The following PRRT1B variants were observed in gnomAD, a reference collection of about 807,000 sequenced individuals.
PRRT1B encodes the protein proline rich transmembrane protein 1B.
intron 2 of PRRT1B, among the ~76,000 whole-genome samples, chr9:131,555,740 GA>G (rs2132012328): frequency 6.6e-6 from 1 of 152,214 alleles, no homozygotes; most frequent in African/African-American, 2.4e-5. Context: ...GCCTGTGGGG[GA>G]AAGATTGGAG....
chr9:131,553,307 A>T (rs1951024349), intron 1 of PRRT1B, among the ~76,000 whole-genome samples: 1 of 152,232 alleles, frequency 6.6e-6, no homozygotes, highest in Non-Finnish European at 1.5e-5. Flanking sequence ...AGCCCCTGTT[A>T]ACCTGGAGAG....
chr9:131,554,122 A>G (rs1248273564), intron 1 of PRRT1B, among the ~76,000 whole-genome samples: 1 of 152,194 alleles, frequency 6.6e-6, no homozygotes, highest in African/African-American at 2.4e-5. Flanking sequence ...TACAACTCCA[A>G]GCCAAGAATC....
chr9:131,556,814 G>T (rs1346245429), intron 3 of PRRT1B, among the ~76,000 whole-genome samples: 1 of 152,016 alleles, frequency 6.6e-6, no homozygotes, highest in Non-Finnish European at 1.5e-5. Flanking sequence ...TGTATTTTTA[G>T]TAGAGATGAG....
chr9:131,549,436 G>A (rs1428129231), intron 1 of PRRT1B, among the ~76,000 whole-genome samples: 6 of 152,112 alleles, frequency 3.9e-5, no homozygotes, highest in Admixed American at 6.5e-5. Flanking sequence ...CCATCTGTGC[G>A]GGACCCCACT....
intron 1 of PRRT1B, among the ~76,000 whole-genome samples, chr9:131,550,353 CAT>C (rs1409053323): frequency 2.6e-5 from 4 of 152,166 alleles, no homozygotes; most frequent in Non-Finnish European, 1.5e-5. Context: ...TTGCACCCTT[CAT>C]CCCAGCCTCT....
chr9:131,554,355 CCA>C (rs1453431217), intron 1 of PRRT1B, among the ~76,000 whole-genome samples, 200 bp from the exon 2 acceptor site: 1 of 152,204 alleles, frequency 6.6e-6, no homozygotes, highest in African/African-American at 2.4e-5. Context: ...GCCTGGGTTC[CCA>C]CCCAGATGAG....
At chr9:131,549,329 C>T (rs577531476) in intron 1 of PRRT1B, among the ~76,000 whole-genome samples, 1 of 152,368 alleles carries the variant, frequency 6.6e-6, no homozygotes, top group East Asian at 1.9e-4. Flanking sequence ...AGGCATTCCT[C>T]CAGAACCTCT....
downstream of PRRT1B, among the ~76,000 whole-genome samples, chr9:131,559,442 AAAAC>A (rs1405187016): frequency 3.3e-5 from 5 of 152,202 alleles, no homozygotes; most frequent in Non-Finnish European, 5.9e-5. Flanking sequence ...CTCTGCCTCA[AAAAC>A]AAACAACCAT....
chr9:131,548,182 C>A (rs1950987893), intron 1 of PRRT1B, among the ~76,000 whole-genome samples: 1 of 152,080 alleles, frequency 6.6e-6, no homozygotes, highest in Admixed American at 6.6e-5. Context: ...ACCCTCTCTT[C>A]TCTCCACTTT....
intron 1 of PRRT1B, among the ~76,000 whole-genome samples, chr9:131,554,108 C>A (rs1166530110): frequency 1.3e-5 from 2 of 152,238 alleles, no homozygotes; most frequent in Non-Finnish European, 2.9e-5. Context: ...CCTCACCCCT[C>A]CCCTACAACT....
exon 2 of PRRT1B, chr9:131,554,815 C>T (rs1951036913): frequency 2.8e-6 from 1 of 360,704 alleles, no homozygotes; most frequent in Non-Finnish European, 5.0e-6. Flanking sequence ...GCCGGCGGCG[C>T]CCCCCACATC....
intron 3 of PRRT1B, among the ~76,000 whole-genome samples, chr9:131,556,858 C>T (rs1427135680): frequency 6.6e-6 from 1 of 152,034 alleles, no homozygotes; most frequent in East Asian, 1.9e-4. Context: ...GTCTTGAACT[C>T]CTGACCTCAG....
chr9:131,552,947 A>G (rs936338539), intron 1 of PRRT1B, among the ~76,000 whole-genome samples: 1 of 151,264 alleles, frequency 6.6e-6, no homozygotes, highest in Non-Finnish European at 1.5e-5. Flanking sequence ...CGGCCTCCCA[A>G]AGTGCTGGGA....
At chr9:131,554,573 G>C (rs974684839) in exon 2 of PRRT1B, 3 of 395,976 alleles carry the variant, frequency 7.6e-6, no homozygotes, top group African/African-American at 2.1e-5. Context: ...ACACGAAAGG[G>C]GGCGGCAGCC....
exon 4 of PRRT1B, chr9:131,558,058 T>C (rs1260199943): frequency 7.5e-6 from 3 of 399,636 alleles, no homozygotes; most frequent in Non-Finnish European, 1.3e-5. Flanking sequence ...TGCAGGCCCG[T>C]GCAGCACTGG....
chr9:131,547,518 C>T lies in PRRT1B; in HGVS notation c.25+1878C>T, dbSNP rs914081168. On this transcript the variant is annotated intron_variant, in intron 1 of 3. Transcript: ENST00000636672. Reference sequence around the variant, plus strand: ...AAAACGGCCCCACCCCATGTCCCTTCGCTGACTCTTTTCGGACTCAGCCTA... The same window carrying T: ...AAAACGGCCCCACCCCATGTCCCTTTGCTGACTCTTTTCGGACTCAGCCTA... 5.3e-5 allele frequency among the ~76,000 whole-genome samples: 8 copies of T among 152,166 alleles called. No homozygotes were observed. The East Asian group carries it at 5.8e-4, about 11-fold the overall frequency.
chr9:131,559,553 T>G (rs1425834379), downstream of PRRT1B, among the ~76,000 whole-genome samples: 4 of 152,194 alleles, frequency 2.6e-5, no homozygotes, highest in Non-Finnish European at 5.9e-5. Context: ...GTGTGCTGCT[T>G]ACAACCCTGG....
At position 131,551,518 on chromosome 9, in the gene PRRT1B, G is replaced by T. The variant is rs1373065029; in HGVS notation, c.26-3039G>T. On this transcript the variant is annotated intron_variant, in intron 1 of 3. Transcript: ENST00000636672. This position sits in a 1 kb window ranked among gnomAD's most constrained non-coding sequence, Gnocchi z 4.4. The stretch of plus-strand genomic sequence containing the variant: ...TGTTTTATTTTTCTAATTAATATAA[G>T]AAGACAGGAATGTCAGGCCTCTGAG... Among the ~76,000 whole-genome samples the T allele has an allele frequency of 6.6e-6, 1 of 152,094 alleles. No individual in the cohort carries two copies. The highest frequency in any genetic ancestry group is 1.5e-5 in the Non-Finnish European group (1 of 68,038).
chr9:131,547,007 C>G (rs912422008), intron 1 of PRRT1B, among the ~76,000 whole-genome samples: 2 of 149,964 alleles, frequency 1.3e-5, no homozygotes, highest in Admixed American at 6.6e-5. Context: ...AAAGCGCGCC[C>G]GAGATGACGC....
Sources: allele counts gnomAD v4.1 joint callset (sites outside exome capture counted in the v4.1 genomes callset), GRCh38; gene constraint gnomAD v4.1.1; non-coding constraint Gnocchi (gnomAD v3.1); transcripts MANE v1.5; gene names NCBI Gene and HGNC (gene_info 2026-07-23, HGNC 2026-07-21).